Variants in PCDHA7 observed in about 807,000 individuals in gnomAD.
The protein encoded by PCDHA7 is protocadherin alpha 7.
Under a neutral mutation model 57.2 loss-of-function variants are expected in PCDHA7, and 37 were observed. The observed-to-expected ratio is 0.65, with a 90% CI of 0.50 to 0.85. The LOEUF (loss-of-function observed/expected upper bound fraction) is 0.85, where lower values mean the gene tolerates loss of function less well. Ranked by LOEUF, PCDHA7 falls within the 40% of genes least tolerant of loss-of-function variation. The probability of loss-of-function intolerance (pLI) is 0.00; values close to 1 mark genes in which losing one functional copy is unlikely to be tolerated. For synonymous variants in PCDHA7, 553 were observed against 558.8 expected (o/e 0.99, Z 0.15); for missense variants, 1,188 against 1,241.8 (o/e 0.96, Z 0.65).
At chr5:140,875,391 A>G (rs1582202337) in intron 1 of PCDHA7, 2 of 1,472,582 alleles carry the variant, frequency 1.4e-6, no homozygotes, top group African/African-American at 2.8e-5. Flanking sequence ...ACTTACAGAA[A>G]AGGGTGACTG....
At chr5:140,879,136 T>C (rs1225791251) in intron 1 of PCDHA7, among the ~76,000 whole-genome samples, 4 of 152,206 alleles carry the variant, frequency 2.6e-5, no homozygotes, top group Admixed American at 2.6e-4. Flanking sequence ...GGGGAGATTG[T>C]GAAGGCAGGA....
intron 1 of PCDHA7, among the ~76,000 whole-genome samples, chr5:140,914,220 C>T (rs1210445622): frequency 6.6e-6 from 1 of 152,212 alleles, no homozygotes; most frequent in South Asian, 2.1e-4. Flanking sequence ...TCTCTTTTAG[C>T]TCTAATACTA....
intron 3 of PCDHA7, among the ~76,000 whole-genome samples, chr5:141,000,771 G>A (rs1318485268): frequency 2.0e-5 from 3 of 151,790 alleles, no homozygotes; most frequent in Non-Finnish European, 4.4e-5. Context: ...GCCAGGCATA[G>A]TGGCGCACAC....
Position 140,856,434 on chromosome 5 carries a change from C to T in PCDHA7, c.2355+19696C>T, listed in dbSNP as rs551569829. 39 of 1,598,320 alleles carry T rather than the reference C, an allele frequency of 2.4e-5. 3 individuals carry two copies. The South Asian group carries it at 3.9e-4, about 16-fold the overall frequency. On this transcript the variant is annotated intron_variant, in intron 1 of 3. Coordinates refer to ENST00000525929, the MANE Select transcript of PCDHA7 (RefSeq NM_018910.3). Reference sequence around the variant, plus strand: ...GAAGTGAAGGACATTAACGACAACCCGCCCAGGTTCTCCGTAACAGAACAA... The same window carrying T: ...GAAGTGAAGGACATTAACGACAACCTGCCCAGGTTCTCCGTAACAGAACAA...
chr5:140,857,812 C>T lies in PCDHA7; in HGVS notation c.2355+21074C>T. ...TGCTGCGGTCGGTGGTTGCGGGTCACGTGGTGGCTAAGGTGCGCGCAGTGG... is the reference window on the plus strand; with the variant it reads ...TGCTGCGGTCGGTGGTTGCGGGTCATGTGGTGGCTAAGGTGCGCGCAGTGG... On this transcript the variant is annotated intron_variant, in intron 1 of 3. Transcript: ENST00000525929. 3.1e-6 allele frequency: 5 copies of T among 1,597,698 alleles called. 1 individual carries two copies. The highest frequency in any genetic ancestry group is 2.2e-5 in the East Asian group (1 of 44,814).
chr5:140,897,923 G>A (rs371929339), intron 1 of PCDHA7, among the ~76,000 whole-genome samples: 11 of 152,078 alleles, frequency 7.2e-5, no homozygotes, highest in East Asian at 5.8e-4. Flanking sequence ...TTTGATTTGC[G>A]TTTCTCTGAT....
chr5:140,856,803 A>G, intron 1 of PCDHA7: 4 of 1,595,568 alleles, frequency 2.5e-6, no homozygotes, highest in Non-Finnish European at 3.4e-6. Flanking sequence ...AAGATGTATG[A>G]AAATCAAGTG....
At position 140,928,265 on chromosome 5, in the gene PCDHA7, A is replaced by G. The variant is rs1208273188; in HGVS notation, c.2356-50684A>G. ...CAGGAACTTTTCGTTGCTGAAAACA[A>G]TGGCCCTGGGGCCTCTCTAGGCCGA... On this transcript the variant is annotated intron_variant, in intron 1 of 3. Coordinates refer to ENST00000525929, the MANE Select transcript of PCDHA7 (RefSeq NM_018910.3). The G allele has an allele frequency of 3.1e-6, 5 of 1,614,188 alleles. No individual in the cohort carries two copies. In the South Asian group the frequency reaches 3.3e-5, roughly 11 times the overall value.
At chr5:140,841,190 T>C (rs1442612057) in intron 1 of PCDHA7, 14 of 1,237,774 alleles carry the variant, frequency 1.1e-5, no homozygotes, top group Non-Finnish European at 1.6e-5. Context: ...TCAAAGTCTT[T>C]TCTCTGACAG....
In PCDHA7 at chr5:141,010,671, A is replaced by T. The variant is rs375520397; in HGVS notation, c.*734A>T. The T allele has an allele frequency of 5.7e-4, 94 of 164,082 alleles. 1 individual carries two copies. Among genetic ancestry groups the T allele is most frequent in the Non-Finnish European group, 1.2e-3 (86 of 74,622 alleles). The allele number at this position is 164,082 out of a possible 1,614,324, so 10.2% of individuals were successfully genotyped here. A position where few individuals can be genotyped will look rare whatever the true frequency, so the allele number is the denominator to read the frequency against. On this transcript the variant is annotated 3_prime_UTR_variant, in exon 4 of 4. Transcript: ENST00000525929. Reference sequence around the variant, plus strand: ...TGTTTTAACAGAGAACCACCCTGGGAAACAGAAGCAGATCTGATGTGTTTC... The same window carrying T: ...TGTTTTAACAGAGAACCACCCTGGGTAACAGAAGCAGATCTGATGTGTTTC...
At chr5:140,865,309 T>C (rs1554159355) in intron 1 of PCDHA7, 1 of 152,176 alleles carries the variant, frequency 6.6e-6, no homozygotes, top group Non-Finnish European at 1.5e-5. Flanking sequence ...TAATTACAAA[T>C]GAGATGGCCT....
chr5:141,010,815 TC>T lies in PCDHA7; in HGVS notation c.*879del, dbSNP rs1159286994. 1.3e-5 allele frequency: 2 copies of T among 153,744 alleles called. No homozygotes were observed. Among genetic ancestry groups the T allele is most frequent in the Admixed American group, 6.5e-5 (1 of 15,280 alleles). 9.5% of individuals were successfully genotyped at this position (153,744 alleles called of 1,614,324 possible). On this transcript the variant is annotated 3_prime_UTR_variant, in exon 4 of 4. Coordinates refer to ENST00000525929, the MANE Select transcript of PCDHA7 (RefSeq NM_018910.3). ...AAAGAAAACCCCGACACCTCACCTT[TC>T]GCTGTTTGTTGTTTCATAGATTTAT...
At chr5:140,942,545 G>C (rs981508818) in intron 1 of PCDHA7, among the ~76,000 whole-genome samples, 4 of 151,970 alleles carry the variant, frequency 2.6e-5, no homozygotes, top group African/African-American at 9.7e-5. Context: ...ATGGTGGGGG[G>C]TAGGGGGTTG....
chr5:140,969,274 TG>T, intron 1 of PCDHA7: 1 of 1,614,158 alleles, frequency 6.2e-7, no homozygotes, highest in Non-Finnish European at 8.5e-7. Flanking sequence ...CAGGCCAAAG[TG>T]GTCAGAATGC....
At chr5:140,889,218 G>T (rs1163027011) in intron 1 of PCDHA7, among the ~76,000 whole-genome samples, 1 of 151,574 alleles carries the variant, frequency 6.6e-6, no homozygotes, top group Non-Finnish European at 1.5e-5. Flanking sequence ...AAGAAGAATA[G>T]TCTTTGAAAA....
intron 1 of PCDHA7, chr5:140,863,473 C>A (rs966575223): frequency 6.2e-6 from 3 of 487,660 alleles, no homozygotes; most frequent in South Asian, 1.6e-5. Flanking sequence ...TCTGGAGAGT[C>A]GCCTCCCAAG....
At position 140,835,853 on chromosome 5, in the gene PCDHA7, G is replaced by A. The variant is rs2150246654; in HGVS notation, c.1470G>A (p.Val490=). 3.1e-6 allele frequency: 5 copies of A among 1,612,274 alleles called. No individual in the cohort carries two copies. The Admixed American group carries it at 8.3e-5, about 27-fold the overall frequency. The change falls in exon 1 of 4, where the codon GTG becomes GTA. Residue 490 remains valine, a synonymous_variant. Transcript: ENST00000525929. ...CGGACGCGCAGAAGAACGCGCTGGT[G>A]TCCTACTCGCTGGTGGAGCTGCGGG... ...GDADAQKNAL[V]SYSLVELRVG...
chr5:140,966,453 C>G, intron 1 of PCDHA7: 1 of 426,310 alleles, frequency 2.3e-6, no homozygotes, highest in Non-Finnish European at 4.1e-6. Flanking sequence ...TTCCCCCTCC[C>G]CCTCTGTCTT....
At chr5:140,875,644 G>A in intron 1 of PCDHA7, 1 of 1,613,736 alleles carries the variant, frequency 6.2e-7, no homozygotes, top group Non-Finnish European at 8.5e-7. Flanking sequence ...GGAGCTGGCG[G>A]AGCTGGTGCC....
Sources: gnomAD v4.1 joint callset for allele counts (sites outside exome capture counted in the v4.1 genomes callset) on GRCh38, gnomAD v4.1.1 for gene constraint, MANE v1.5 for transcripts, NCBI Gene and HGNC (gene_info 2026-07-23, HGNC 2026-07-21) for gene names.